The following CXCL13 variants were observed in gnomAD, a reference collection of about 807,000 sequenced individuals.
The protein encoded by CXCL13 is C-X-C motif chemokine ligand 13, also known as C-X-C motif chemokine 13.
CXCL13 carries 7 observed loss-of-function variants against 12.2 expected under a neutral mutation model. That is an observed-to-expected ratio of 0.57 (90% CI 0.33 to 1.07). CXCL13 has a LOEUF of 1.07. CXCL13 is among the 50% of genes least tolerant of loss of function. The pLI is 0.04. For missense variants in CXCL13, 113 were observed against 127.4 expected (o/e 0.89, Z 0.55); for synonymous variants, 47 against 42.4 (o/e 1.11, Z -0.42).
chr4:77,588,306 G>A (rs1726528120), intron 1 of CXCL13, among the ~76,000 whole-genome samples: 1 of 152,120 alleles, frequency 6.6e-6, no homozygotes, highest in Admixed American at 6.5e-5. Context: ...CCCCATTACT[G>A]CCCCTGAGGC....
rs147489051 is a variant in CXCL13 at position 77,600,463 on chromosome 4, C to A, written c.-42-5361C>A. Among the ~76,000 whole-genome samples the A allele has an allele frequency of 5.9e-5, 9 of 152,120 alleles. No homozygotes were observed. The East Asian group carries it at 1.7e-3, about 29-fold the overall frequency. On this transcript the variant is annotated intron_variant, in intron 1 of 4. Transcript: ENST00000286758. ...ACTATTGACTTTTATTTATAATGTC[C>A]AGGTCTTCATTGATGGTTATAACAT...
At chr4:77,521,999 T>C (rs1724613200) in intron 1 of CXCL13, among the ~76,000 whole-genome samples, 1 of 152,218 alleles carries the variant, frequency 6.6e-6, no homozygotes, top group Non-Finnish European at 1.5e-5. Context: ...GGTTGTTCAG[T>C]TTCCATGTAG....
rs527400404 is a variant in CXCL13 at position 77,515,320 on chromosome 4, G to A, written c.-43+3532G>A. Among the ~76,000 whole-genome samples, 38 of 152,218 alleles carry A rather than the reference G, an allele frequency of 2.5e-4. 1 individual carries two copies. The highest frequency in any genetic ancestry group is 6.5e-4 in the Admixed American group (10 of 15,286). On this transcript the variant is annotated intron_variant, in intron 1 of 4. Coordinates refer to the CXCL13 transcript ENST00000286758. The stretch of plus-strand genomic sequence containing the variant: ...TTTTTGGTTCCATATGAACTTTAAA[G>A]TAGTTTTTTCCAATTCTGTGAAGAA...
intron 1 of CXCL13, among the ~76,000 whole-genome samples, chr4:77,515,973 A>G (rs1578030853): frequency 6.6e-6 from 1 of 152,246 alleles, no homozygotes; most frequent in East Asian, 1.9e-4. Context: ...TTGTTTTGAG[A>G]TATGTCCCTT....
rs149285434 is a variant in CXCL13 at position 77,549,928 on chromosome 4, C to T, written c.-43+38140C>T. ...GAAGTTTCTGTTGCCTTTTATTCAGCTATGCCCTGCCCCCAGAGGTGGAGT... is the reference window on the plus strand; with the variant it reads ...GAAGTTTCTGTTGCCTTTTATTCAGTTATGCCCTGCCCCCAGAGGTGGAGT... On this transcript the variant is annotated intron_variant, in intron 1 of 4. Coordinates refer to the CXCL13 transcript ENST00000286758. 4.4e-3 allele frequency among the ~76,000 whole-genome samples: 677 copies of T among 152,358 alleles called. 19 individuals are homozygous for T. Among genetic ancestry groups the T allele is most frequent in the East Asian group, 0.027 (142 of 5,188 alleles).
chr4:77,551,267 G>T (rs1725508561), intron 1 of CXCL13, among the ~76,000 whole-genome samples: 1 of 152,094 alleles, frequency 6.6e-6, no homozygotes, highest in Non-Finnish European at 1.5e-5. Flanking sequence ...TCATTATTTT[G>T]TTTCCATGTT....
At chr4:77,589,238 T>C (rs1345822145) in intron 1 of CXCL13, among the ~76,000 whole-genome samples, 1 of 152,198 alleles carries the variant, frequency 6.6e-6, no homozygotes, top group Non-Finnish European at 1.5e-5. Flanking sequence ...TTGTGCACTG[T>C]TCTAAGTTGT....
intron 1 of CXCL13, among the ~76,000 whole-genome samples, chr4:77,550,058 C>A (rs575902932): frequency 6.6e-6 from 1 of 152,358 alleles, no homozygotes; most frequent in East Asian, 1.9e-4. Flanking sequence ...GCGGACACCC[C>A]TCTCCCAGCC....
chr4:77,524,750 A>T (rs770711100), intron 1 of CXCL13, among the ~76,000 whole-genome samples: 19 of 152,108 alleles, frequency 1.2e-4, no homozygotes, highest in African/African-American at 4.1e-4. Context: ...AGTCCCAGTG[A>T]GATGAACCAG....
intron 1 of CXCL13, among the ~76,000 whole-genome samples, chr4:77,545,149 G>A (rs1293470656): frequency 6.6e-6 from 1 of 152,116 alleles, no homozygotes; most frequent in Non-Finnish European, 1.5e-5. Flanking sequence ...GGTTACTGTA[G>A]CCTTGTAATA....
intron 1 of CXCL13, among the ~76,000 whole-genome samples, chr4:77,557,383 A>G (rs777255183): frequency 2.0e-5 from 3 of 152,174 alleles, no homozygotes; most frequent in Admixed American, 6.5e-5. Context: ...CTTTTCATCC[A>G]TCTTTGGCCT....
In CXCL13 at chr4:77,611,108, T is replaced by C. The variant is rs545779519; in HGVS notation, c.*69T>C. ...CTGCTCTGGATTTTAGTTTTGTGCT[T>C]AGTTAAATCTTTTCCAGGAAAAAGA... On this transcript the variant is annotated 3_prime_UTR_variant, in exon 4 of 4. Coordinates refer to ENST00000682537, the MANE Select transcript of CXCL13 (RefSeq NM_001371558.1). 4 of 1,281,124 alleles carry C rather than the reference T, an allele frequency of 3.1e-6. No individual in the cohort carries two copies. Among genetic ancestry groups the C allele is most frequent in the South Asian group, 1.3e-5 (1 of 78,284 alleles). 79.4% of individuals were successfully genotyped at this position (1,281,124 alleles called of 1,614,324 possible).
chr4:77,580,061 T>C (rs1382482693), intron 1 of CXCL13, among the ~76,000 whole-genome samples: 2 of 152,018 alleles, frequency 1.3e-5, no homozygotes, highest in Non-Finnish European at 2.9e-5. Flanking sequence ...CAGGTGCAGG[T>C]TGATTATTAA....
At chr4:77,597,723 T>C (rs1726796049) in intron 1 of CXCL13, among the ~76,000 whole-genome samples, 1 of 152,078 alleles carries the variant, frequency 6.6e-6, no homozygotes, top group Admixed American at 6.6e-5. Flanking sequence ...ATGGTGGAAG[T>C]GCACAAATGG....
chr4:77,543,855 G>T lies in CXCL13; in HGVS notation c.-43+32067G>T, dbSNP rs188721682. ...GTTGGTGTGCTGCACCCACTAACTCGTCATTTACATTAGGTATTTCTCCTA... is the reference window on the plus strand; with the variant it reads ...GTTGGTGTGCTGCACCCACTAACTCTTCATTTACATTAGGTATTTCTCCTA... On this transcript the variant is annotated intron_variant, in intron 1 of 4. Transcript: ENST00000286758. 2.8e-3 allele frequency among the ~76,000 whole-genome samples: 422 copies of T among 151,966 alleles called. 1 individual carries two copies. Among genetic ancestry groups the T allele is most frequent in the Middle Eastern group, 0.014 (4 of 294 alleles).
chr4:77,513,295 C>T (rs115636641), intron 1 of CXCL13, among the ~76,000 whole-genome samples: 1,880 of 152,158 alleles, frequency 0.012, 18 homozygotes, highest in Admixed American at 0.017. Flanking sequence ...GGGCATATAC[C>T]CAGTGATGGG....
At chr4:77,529,215 T>G (rs1294682258) in intron 1 of CXCL13, among the ~76,000 whole-genome samples, 1 of 152,234 alleles carries the variant, frequency 6.6e-6, no homozygotes, top group Non-Finnish European at 1.5e-5. Context: ...GGTAGCGTGA[T>G]GCCTCCAGCT....
At chr4:77,605,471 A>C (rs1449825001), upstream of CXCL13, among the ~76,000 whole-genome samples, 1 of 152,096 alleles carries the variant, frequency 6.6e-6, no homozygotes, top group African/African-American at 2.4e-5. Context: ...ATCTAATGCC[A>C]CTGAGAAACC....
intron 1 of CXCL13, among the ~76,000 whole-genome samples, chr4:77,557,728 A>G (rs1725693352): frequency 6.6e-6 from 1 of 152,206 alleles, no homozygotes; most frequent in Admixed American, 6.5e-5. Context: ...TTCTACTGAC[A>G]GCCTGGCCTG....
Sources: allele counts gnomAD v4.1 joint callset (sites outside exome capture counted in the v4.1 genomes callset), GRCh38; gene constraint gnomAD v4.1.1; transcripts MANE v1.5; gene names NCBI Gene and HGNC (gene_info 2026-07-23, HGNC 2026-07-21).